ATXN3: variants seen among roughly 807,000 people sequenced by gnomAD.
The protein encoded by ATXN3 is ataxin-3.
In ATXN3, 28 loss-of-function variants were observed where a neutral mutation model predicts 58.2. That is an observed-to-expected ratio of 0.48 (90% CI 0.36 to 0.66). The LOEUF (loss-of-function observed/expected upper bound fraction) is 0.66. Among genes scored for constraint, ATXN3 ranks in the 30% least tolerant of loss-of-function variants. The pLI, the probability that ATXN3 is intolerant of heterozygous loss-of-function variation, is 0.00. For missense variants in ATXN3, 321 were observed against 422.1 expected (o/e 0.76, Z 2.10); for synonymous variants, 113 against 138.5 (o/e 0.82, Z 1.29).
chr14:92,086,713 A>T (rs2062646810), intron 6 of ATXN3, among the ~76,000 whole-genome samples: 1 of 152,148 alleles, frequency 6.6e-6, no homozygotes, highest in Admixed American at 6.6e-5. Context: ...CTAAGGAAAA[A>T]ATAAAAATGG....
chr14:92,086,095 T>C (rs1255394217), intron 6 of ATXN3, among the ~76,000 whole-genome samples: 2 of 152,018 alleles, frequency 1.3e-5, no homozygotes, highest in Admixed American at 1.3e-4. Context: ...AGCACTCAAA[T>C]TGTGATCTCC....
upstream of ATXN3, among the ~76,000 whole-genome samples, chr14:92,051,257 T>C (rs2057446784): frequency 6.6e-6 from 1 of 152,234 alleles, no homozygotes; most frequent in Non-Finnish European, 1.5e-5. Context: ...TTATATTGCC[T>C]TGATTTTTCT....
chr14:92,064,121 G>A lies in ATXN3; in HGVS notation c.*199C>T. ...TTTTAAATGTCTTTAATTGCTGAATGCCTCTTTGGCTAATATTTGGAAGAT... is the reference window on the plus strand; with the variant it reads ...TTTTAAATGTCTTTAATTGCTGAATACCTCTTTGGCTAATATTTGGAAGAT... On this transcript the variant is annotated 3_prime_UTR_variant, in exon 11 of 11. Transcript: ENST00000644486. The A allele has an allele frequency of 2.6e-6, 1 of 390,764 alleles. No individual in the cohort carries two copies. The highest frequency in any genetic ancestry group is 7.2e-5 in the South Asian group (1 of 13,942). 24.2% of individuals were successfully genotyped at this position (390,764 alleles called of 1,614,324 possible). A position where few individuals can be genotyped will look rare whatever the true frequency, so the allele number is the denominator to read the frequency against.
chr14:92,100,711 T>G (rs1389244216), intron 1 of ATXN3, among the ~76,000 whole-genome samples: 1 of 152,074 alleles, frequency 6.6e-6, no homozygotes, highest in Non-Finnish European at 1.5e-5. Context: ...GTGGTTATAT[T>G]TGGTGGGAAT....
chr14:92,099,081 TG>T (rs905522058), intron 1 of ATXN3, among the ~76,000 whole-genome samples: 2 of 152,210 alleles, frequency 1.3e-5, no homozygotes, highest in African/African-American at 4.8e-5. Context: ...ACACCAGGTT[TG>T]CCCCTCCCTG....
At chr14:92,096,317 G>T (rs1446504932) in intron 2 of ATXN3, 180 bp from the exon 3 acceptor site, 6 of 1,466,010 alleles carry the variant, frequency 4.1e-6, no homozygotes, top group Middle Eastern at 4.2e-4. Flanking sequence ...TTTCTAAATG[G>T]TATCCACATT....
In ATXN3 at chr14:92,060,270, A is replaced by ATATATATTT. The variant is rs1555392594; in HGVS notation, c.*4049_*4050insAAATATATA. The ATATATATTT allele has an allele frequency of 1.7e-5, 2 of 117,422 alleles. No individual in the cohort carries two copies. Among genetic ancestry groups the ATATATATTT allele is most frequent in the African/African-American group, 3.5e-5 (1 of 28,296 alleles). The allele number at this position is 117,422 out of a possible 1,614,324, so 7.3% of individuals were successfully genotyped here. A position where few individuals can be genotyped will look rare whatever the true frequency, so the allele number is the denominator to read the frequency against. ...CACACATATATATATATATATATAT[A>ATATATATTT]TTTTTTTTTTTCAGAAACAGTGTCT... On this transcript the variant is annotated 3_prime_UTR_variant, in exon 11 of 11. Transcript: ENST00000644486.
rs376966269 is a variant in ATXN3, at chr14:92,096,623, C to CAAA, written c.189+48_189+50dup. 900 of 1,246,328 alleles carry CAAA rather than the reference C, an allele frequency of 7.2e-4. 5 individuals are homozygous for CAAA. The highest frequency in any genetic ancestry group is 1.9e-3 in the African/African-American group (95 of 48,882). The allele number at this position is 1,246,328 out of a possible 1,614,324, so 77.2% of individuals were successfully genotyped here. On this transcript the variant is annotated intron_variant, in intron 2 of 10. Coordinates refer to ENST00000644486, the MANE Select transcript of ATXN3 (RefSeq NM_004993.6). ...TGGGCAACAGGGCGAGACTCCGTCT[C>CAAA]AAAAAAAAAAAAAAAAAAGAAATGT...
intron 5 of ATXN3, among the ~76,000 whole-genome samples, chr14:92,091,167 A>C (rs2063700697): frequency 6.6e-6 from 1 of 152,032 alleles, no homozygotes; most frequent in African/African-American, 2.4e-5. Context: ...GAACCAACTT[A>C]GGGCTCGGCA....
chr14:92,082,613 G>T, intron 7 of ATXN3, 147 bp from the exon 8 acceptor site: 1 of 721,372 alleles, frequency 1.4e-6, no homozygotes, highest in Non-Finnish European at 2.0e-6. Flanking sequence ...TGATTGTGTT[G>T]CAATTTGAAT....
At chr14:92,049,461 A>G (rs1369507275) in intron 1 of ATXN3, 1 of 152,682 alleles carries the variant, frequency 6.5e-6, no homozygotes, top group Non-Finnish European at 1.5e-5. Context: ...CAGCGCCGGA[A>G]TTTTGGGTCC....
intron 1 of ATXN3, among the ~76,000 whole-genome samples, chr14:92,102,919 A>G (rs56332990): frequency 4.0e-4 from 61 of 152,198 alleles, no homozygotes; most frequent in African/African-American, 1.4e-3. Context: ...TGTCCTAAAG[A>G]TGGCTAAAAT....
intron 10 of ATXN3, among the ~76,000 whole-genome samples, chr14:92,068,866 A>G (rs1215970850): frequency 6.6e-6 from 1 of 152,144 alleles, no homozygotes; most frequent in Non-Finnish European, 1.5e-5. Flanking sequence ...CTGGGATTAC[A>G]CGTGTGAGCC....
rs2061627824 is a variant in ATXN3 at position 92,082,451 on chromosome 14, G to T, written c.624C>A (p.Asp208Glu). The T allele has an allele frequency of 6.2e-7, 1 of 1,613,648 alleles. No homozygotes were observed. Among genetic ancestry groups the T allele is most frequent in the Non-Finnish European group, 8.5e-7 (1 of 1,179,880 alleles). ...CATTTGCTTCTAACACTCGTTCCAG[G>T]TCTGTTTTATGGACTCTAAAGAACA... ...QLKEQRVHKTDLERVLEANDG... is the reference protein window; with the variant it reads ...QLKEQRVHKTELERVLEANDG... The change falls in exon 8 of 11, where the codon GAC becomes GAA. Residue 208 changes from aspartate to glutamate, a missense_variant. By Grantham distance (45) the Asp-to-Glu change is conservative (BLOSUM62 2). This residue lies in a region of ATXN3 where 200 missense variants were observed against 223.2 expected (regional missense o/e 0.90). Coordinates refer to ENST00000644486, the MANE Select transcript of ATXN3 (RefSeq NM_004993.6).
Position 92,106,533 on chromosome 14 carries a change from T to G in ATXN3, c.20A>C (p.Glu7Ala). 1 of 1,612,880 alleles carries G rather than the reference T, an allele frequency of 6.2e-7. No homozygotes were observed. Among genetic ancestry groups the G allele is most frequent in the South Asian group, 1.1e-5 (1 of 91,042 alleles). ...CCACCGAACGCGGACACTCACTTTCTCGTGGAAGATGGACTCCATGTTTAT... is the reference window on the plus strand; with the variant it reads ...CCACCGAACGCGGACACTCACTTTCGCGTGGAAGATGGACTCCATGTTTAT... MESIFH[E>A]KQEGSLCAQH... Residue 7 changes from glutamate to alanine, a missense_variant, in exon 1 of 11, where the codon GAG (glutamate) becomes GCG (alanine). This residue lies in a region of ATXN3 where 121 missense variants were observed against 198.9 expected (regional missense o/e 0.61). Coordinates refer to ENST00000644486, the MANE Select transcript of ATXN3 (RefSeq NM_004993.6).
downstream of ATXN3, among the ~76,000 whole-genome samples, chr14:92,055,827 G>A (rs2057463053): frequency 6.6e-6 from 1 of 152,160 alleles, no homozygotes; most frequent in Non-Finnish European, 1.5e-5. This position sits in a 1 kb window ranked among gnomAD's most constrained non-coding sequence, Gnocchi z 4.5. Flanking sequence ...TGGATGTGGT[G>A]GCCTGCGCCT....
chr14:92,092,410 A>AT (rs1467804158), intron 5 of ATXN3, among the ~76,000 whole-genome samples: 3 of 152,238 alleles, frequency 2.0e-5, no homozygotes, highest in Non-Finnish European at 4.4e-5. Context: ...TGCTCAAGAC[A>AT]TATTTCATGT....
chr14:92,099,878 C>CAAGA (rs2066340925), intron 1 of ATXN3, among the ~76,000 whole-genome samples: 1 of 131,296 alleles, frequency 7.6e-6, no homozygotes, highest in African/African-American at 2.9e-5. Flanking sequence ...GACAGAAAGA[C>CAAGA]AAGAAAGACA....
intron 1 of ATXN3, among the ~76,000 whole-genome samples, chr14:92,100,636 T>TAC (rs1215366742): frequency 1.3e-5 from 2 of 152,184 alleles, no homozygotes; most frequent in Non-Finnish European, 2.9e-5. Context: ...ATATACACTG[T>TAC]ACACTTCCAG....
Sources: gnomAD v4.1 joint callset for allele counts (sites outside exome capture counted in the v4.1 genomes callset) on GRCh38, gnomAD v4.1.1 for gene constraint, gnomAD v4.1.1 regional missense constraint, Gnocchi (gnomAD v3.1) non-coding constraint, MANE v1.5 for transcripts, NCBI Gene and HGNC (gene_info 2026-07-23, HGNC 2026-07-21) for gene names.